Variants in SYNGR1 observed in about 807,000 individuals in gnomAD.
The protein encoded by SYNGR1 is synaptogyrin-1.
A neutral mutation model predicts 26.1 loss-of-function variants in SYNGR1; 14 were observed. The observed-to-expected ratio is 0.54, with a 90% CI of 0.35 to 0.84. SYNGR1 has a LOEUF of 0.84. Among genes scored for constraint, SYNGR1 ranks in the 40% least tolerant of loss-of-function variants. SYNGR1 has a pLI of 0.01. For synonymous variants in SYNGR1, 141 were observed against 150.1 expected, an observed-to-expected ratio of 0.94 and a Z score of 0.44; for missense variants, 319 against 332.9, an observed-to-expected ratio of 0.96 and a Z score of 0.33.
chr22:39,367,644 A>G (rs2145620961), intron 1 of SYNGR1, among the ~76,000 whole-genome samples: 1 of 152,094 alleles, frequency 6.6e-6, no homozygotes, highest in East Asian at 1.9e-4. Flanking sequence ...CCAACATGGC[A>G]CAACCCCGTC....
At chr22:39,370,189 T>C (rs1479719190) in intron 1 of SYNGR1, among the ~76,000 whole-genome samples, 1 of 152,082 alleles carries the variant, frequency 6.6e-6, no homozygotes. Flanking sequence ...TGGAGTGCAG[T>C]GGCGAATCTC....
At position 39,350,338 on chromosome 22, in the gene SYNGR1, G is replaced by A. The variant is rs963034918; in HGVS notation, c.99+229G>A. On this transcript the variant is annotated intron_variant, in intron 1 of 3. Transcript: ENST00000328933. The surrounding 1 kb of genome is among the most constrained non-coding windows in gnomAD (Gnocchi z 4.3). ...GCGGGAGACGCCGCTCCGGCTCCCG[G>A]AGCCCTGGTTTCCTGGGGCCCCCGG... Among the ~76,000 whole-genome samples the A allele has an allele frequency of 2.6e-5, 4 of 152,050 alleles. No homozygotes were observed. In the South Asian group the frequency reaches 8.3e-4, roughly 31 times the overall value.
At chr22:39,362,825 C>A (rs2267408) in intron 1 of SYNGR1, among the ~76,000 whole-genome samples, 2 of 151,844 alleles carry the variant, frequency 1.3e-5, no homozygotes, top group African/African-American at 2.4e-5. Flanking sequence ...CTTTCTACCC[C>A]CCGTGCTGCC....
intron 1 of SYNGR1, among the ~76,000 whole-genome samples, chr22:39,352,291 G>A (rs189938481): frequency 6.6e-5 from 10 of 152,164 alleles, no homozygotes; most frequent in Admixed American, 4.6e-4. Flanking sequence ...TACCTTTGTC[G>A]AACCAAGAGG....
At chr22:39,362,300 C>T (rs371854834) in intron 1 of SYNGR1, among the ~76,000 whole-genome samples, 12 of 152,238 alleles carry the variant, frequency 7.9e-5, no homozygotes, top group Admixed American at 1.3e-4. Flanking sequence ...CTCGCCCAGG[C>T]CCTGCCCAGC....
At chr22:39,359,965 C>T (rs1601653033) in intron 1 of SYNGR1, among the ~76,000 whole-genome samples, 1 of 152,164 alleles carries the variant, frequency 6.6e-6, no homozygotes, top group Non-Finnish European at 1.5e-5. Flanking sequence ...CACTGATCTT[C>T]CCCTGTGCAC....
At chr22:39,351,697 C>G (rs1923915762) in intron 1 of SYNGR1, among the ~76,000 whole-genome samples, 2 of 152,328 alleles carry the variant, frequency 1.3e-5, no homozygotes, top group South Asian at 2.1e-4. Flanking sequence ...GCCTCTGATG[C>G]CTTCATTTAG....
At chr22:39,378,056 G>T (rs1388282857) in intron 3 of SYNGR1, 3 of 1,189,392 alleles carry the variant, frequency 2.5e-6, no homozygotes, top group Non-Finnish European at 3.2e-6. Context: ...CCATACATGG[G>T]CTGCCTAGAG....
At chr22:39,367,189 C>G (rs11912104) in intron 1 of SYNGR1, among the ~76,000 whole-genome samples, 3 of 152,244 alleles carry the variant, frequency 2.0e-5, no homozygotes, top group African/African-American at 7.2e-5. Context: ...CTGTTCCCAA[C>G]TGTGTCCTCA....
chr22:39,351,413 G>T (rs9611160), intron 1 of SYNGR1, among the ~76,000 whole-genome samples: 1 of 152,058 alleles, frequency 6.6e-6, no homozygotes, highest in African/African-American at 2.4e-5. Context: ...GGGCAGGAAA[G>T]CCCAGTTCCT....
In SYNGR1 at chr22:39,360,419, G is replaced by T. The variant is rs111930980; in HGVS notation, c.99+10310G>T. 2.2e-3 allele frequency among the ~76,000 whole-genome samples: 332 copies of T among 152,130 alleles called. 2 individuals carry two copies. Among genetic ancestry groups the T allele is most frequent in the African/African-American group, 7.7e-3 (321 of 41,504 alleles). The stretch of plus-strand genomic sequence containing the variant: ...ACACGCACTCCCCACGGGCTCTCTC[G>T]CCCCTCCTCGCCATCTTCTCAGGCT... On this transcript the variant is annotated intron_variant, in intron 1 of 3. Transcript: ENST00000328933.
intron 1 of SYNGR1, among the ~76,000 whole-genome samples, chr22:39,358,352 A>C: frequency 6.6e-6 from 1 of 152,220 alleles, no homozygotes; most frequent in East Asian, 1.9e-4. Flanking sequence ...GGGTGGGGCC[A>C]GATAAGAGAA....
intron 1 of SYNGR1, chr22:39,364,165 C>T (rs1013644604): frequency 1.2e-6 from 2 of 1,611,974 alleles, no homozygotes; most frequent in African/African-American, 1.3e-5. Flanking sequence ...GGACACGGCT[C>T]AGGACCAGCA....
chr22:39,377,336 C>A (rs555176602), intron 3 of SYNGR1: 2 of 985,324 alleles, frequency 2.0e-6, no homozygotes, highest in East Asian at 2.3e-4. Context: ...TGCTCCACCC[C>A]TCAGTGTCCT....
chr22:39,350,143 C>A lies in SYNGR1; in HGVS notation c.99+34C>A, dbSNP rs768535770. On this transcript the variant is annotated intron_variant, in intron 1 of 3. Transcript: ENST00000328933. This position sits in a 1 kb window ranked among gnomAD's most constrained non-coding sequence, Gnocchi z 4.3. ...GGACTGGCCGACGGCTCTGCCAGGC[C>A]GGGGTGGTGGGGGTGTGAGCAAAGG... 1.5e-6 allele frequency: 2 copies of A among 1,367,226 alleles called. No individual in the cohort carries two copies. The highest frequency in any genetic ancestry group is 1.9e-6 in the Non-Finnish European group (2 of 1,038,496). The allele number at this position is 1,367,226 out of a possible 1,614,324, so 84.7% of individuals were successfully genotyped here.
chr22:39,367,673 A>C (rs1352074926), intron 1 of SYNGR1, among the ~76,000 whole-genome samples: 4 of 151,974 alleles, frequency 2.6e-5, no homozygotes, highest in Non-Finnish European at 5.9e-5. Flanking sequence ...AAATACAAAA[A>C]TTAGCTGGGT....
intron 1 of SYNGR1, among the ~76,000 whole-genome samples, chr22:39,357,845 GC>G (rs1924239523): frequency 6.6e-6 from 1 of 152,244 alleles, no homozygotes; most frequent in African/African-American, 2.4e-5. Context: ...TCGGGGCAGG[GC>G]TCGGGACCTG....
At position 39,350,154 on chromosome 22, in the gene SYNGR1, G is replaced by T; in HGVS notation, c.99+45G>T. ...CGGCTCTGCCAGGCCGGGGTGGTGGGGGTGTGAGCAAAGGCGGCGCGCCCG... is the reference window on the plus strand; with the variant it reads ...CGGCTCTGCCAGGCCGGGGTGGTGGTGGTGTGAGCAAAGGCGGCGCGCCCG... On this transcript the variant is annotated intron_variant, in intron 1 of 3. Coordinates refer to ENST00000328933, the MANE Select transcript of SYNGR1 (RefSeq NM_004711.5). This position sits in a 1 kb window ranked among gnomAD's most constrained non-coding sequence, Gnocchi z 4.3. 1 of 1,333,610 alleles carries T rather than the reference G, an allele frequency of 7.5e-7. No individual in the cohort carries two copies. The highest frequency in any genetic ancestry group is 3.6e-5 in the East Asian group (1 of 27,648). The allele number at this position is 1,333,610 out of a possible 1,614,324, so 82.6% of individuals were successfully genotyped here. A position where few individuals can be genotyped will look rare whatever the true frequency, so the allele number is the denominator to read the frequency against.
chr22:39,374,517 C>A lies in SYNGR1; in HGVS notation c.301C>A (p.Arg101Ser). 6.2e-7 allele frequency: 1 copy of A among 1,613,628 alleles called. No homozygotes were observed. Residue 101 changes from arginine to serine, a missense_variant, in exon 2 of 4, where the codon CGC (arginine) becomes AGC (serine). By Grantham distance (110) the Arg-to-Ser change is moderately radical (BLOSUM62 -1). Coordinates refer to ENST00000328933, the MANE Select transcript of SYNGR1 (RefSeq NM_004711.5). Reference sequence around the variant, plus strand: ...CCCGCAGATCAGCAGCGTCAAGGACCGCAAGAAAGCCGTCCTGTCCGACAT... The same window carrying A: ...CCCGCAGATCAGCAGCGTCAAGGACAGCAAGAAAGCCGTCCTGTCCGACAT... ...YFPQISSVKD[R>S]KKAVLSDIGV...
Sources: gnomAD v4.1 joint callset for allele counts (sites outside exome capture counted in the v4.1 genomes callset) on GRCh38, gnomAD v4.1.1 for gene constraint, Gnocchi (gnomAD v3.1) non-coding constraint, MANE v1.5 for transcripts, NCBI Gene and HGNC (gene_info 2026-07-23, HGNC 2026-07-21) for gene names.